The following SPOPL variants were observed in gnomAD, a reference collection of about 807,000 sequenced individuals.
The protein encoded by SPOPL is speckle-type POZ protein-like.
Under a neutral mutation model 53.8 loss-of-function variants are expected in SPOPL, and 23 were observed. The observed-to-expected ratio is 0.43, with a 90% confidence interval of 0.31 to 0.61. SPOPL has a LOEUF of 0.61. Ranked by LOEUF, SPOPL falls within the 20% of genes least tolerant of loss-of-function variation. The pLI is 0.12. For synonymous variants in SPOPL, 164 were observed against 149.7 expected (o/e 1.10, Z -0.70); for missense variants, 442 against 466.9 (o/e 0.95, Z 0.49).
At chr2:138,524,624 C>G (rs182689125) in intron 1 of SPOPL, among the ~76,000 whole-genome samples, 3 of 152,212 alleles carry the variant, frequency 2.0e-5, no homozygotes, top group African/African-American at 7.2e-5. Flanking sequence ...ATTTTTTCCA[C>G]CAGATACCCT....
At chr2:138,558,979 T>C (rs753828594) in intron 5 of SPOPL, 43 bp from the exon 6 acceptor site, 10 of 1,509,112 alleles carry the variant, frequency 6.6e-6, no homozygotes, top group African/African-American at 2.8e-5. Context: ...ATTACTGATA[T>C]TACTTTGTGA....
intron 1 of SPOPL, among the ~76,000 whole-genome samples, chr2:138,540,597 C>A (rs1217560356): frequency 6.6e-6 from 1 of 152,124 alleles, no homozygotes; most frequent in Non-Finnish European, 1.5e-5. Flanking sequence ...GATTTTGTAT[C>A]CTGAGACTTT....
chr2:138,545,739 A>G (rs1320644437), intron 1 of SPOPL, among the ~76,000 whole-genome samples: 2 of 152,064 alleles, frequency 1.3e-5, no homozygotes, highest in Non-Finnish European at 2.9e-5. Flanking sequence ...GCGCCCGGCC[A>G]GCTGTTAAGT....
intron 1 of SPOPL, among the ~76,000 whole-genome samples, chr2:138,509,683 C>G (rs1176081525): frequency 6.6e-6 from 1 of 152,080 alleles, no homozygotes; most frequent in Admixed American, 6.5e-5. Context: ...TCCCTCGCAC[C>G]CATACAGACA....
intron 1 of SPOPL, among the ~76,000 whole-genome samples, chr2:138,542,572 G>A (rs1327104571): frequency 6.6e-6 from 1 of 151,596 alleles, no homozygotes; most frequent in Admixed American, 6.6e-5. Flanking sequence ...GCCTTTTTTT[G>A]TTTTCCATTT....
At chr2:138,563,121 T>C (rs1043042563) in intron 8 of SPOPL, among the ~76,000 whole-genome samples, 38 of 152,122 alleles carry the variant, frequency 2.5e-4, no homozygotes, top group African/African-American at 8.7e-4. Flanking sequence ...AAGAAAACAA[T>C]GTTATTTCTA....
intron 1 of SPOPL, among the ~76,000 whole-genome samples, chr2:138,530,476 C>A (rs1684783220): frequency 6.6e-6 from 1 of 152,134 alleles, no homozygotes; most frequent in Admixed American, 6.5e-5. Flanking sequence ...AATGAATTTT[C>A]TAATTTATGA....
intron 1 of SPOPL, among the ~76,000 whole-genome samples, chr2:138,509,156 G>A (rs1055003527): frequency 6.6e-6 from 1 of 152,060 alleles, no homozygotes; most frequent in African/African-American, 2.4e-5. Flanking sequence ...ATACGTATAT[G>A]TATATATACC....
At chr2:138,536,421 G>GT (rs1459974480) in intron 1 of SPOPL, among the ~76,000 whole-genome samples, 2 of 152,016 alleles carry the variant, frequency 1.3e-5, no homozygotes, top group Non-Finnish European at 2.9e-5. Context: ...GGTATTCCCA[G>GT]TTACCCTGGG....
At position 138,568,999 on chromosome 2, in the gene SPOPL, A is replaced by C. The variant is rs373978895; in HGVS notation, c.1098A>C (p.Leu366Phe). ...CCATGATTCAGTCTCACCCTCATTT[A>C]GTAGCAGAAGCCTTTCGAGCACTAG... ...WKSMIQSHPH[L>F]VAEAFRALAS... is the part of the protein sequence containing the mutation. The change falls in exon 11 of 11, where the codon TTA becomes TTC. Residue 366 changes from leucine to phenylalanine, a missense_variant. Leu to Phe is a conservative substitution (Grantham distance 22, BLOSUM62 0). Transcript: ENST00000280098. 17 of 1,614,006 alleles carry C rather than the reference A, an allele frequency of 1.1e-5. No homozygotes were observed. The highest frequency in any genetic ancestry group is 1.4e-5 in the Non-Finnish European group (17 of 1,179,954).
Position 138,560,943 on chromosome 2 carries a change from T to C in SPOPL, c.837+16T>C, listed in dbSNP as rs1291709383. 6.3e-7 allele frequency: 1 copy of C among 1,599,538 alleles called. No homozygotes were observed. Among genetic ancestry groups the C allele is most frequent in the Admixed American group, 1.8e-5 (1 of 55,500 alleles). On this transcript the variant is annotated intron_variant, in intron 8 of 10. Coordinates refer to ENST00000280098, the MANE Select transcript of SPOPL (RefSeq NM_001001664.3). ...TGCAGACAAAGTAAGTAATTAGGTC[T>C]TAAGGAACCAAAATATACCCTCAAG... is the stretch of plus-strand genomic sequence containing the variant.
intron 1 of SPOPL, among the ~76,000 whole-genome samples, chr2:138,527,050 T>C (rs908201019): frequency 2.0e-5 from 3 of 151,548 alleles, no homozygotes; most frequent in African/African-American, 4.8e-5. Context: ...TAAGTTCAGC[T>C]TTTTTTTTCT....
chr2:138,526,702 T>G (rs1451471783), intron 1 of SPOPL, among the ~76,000 whole-genome samples: 1 of 151,420 alleles, frequency 6.6e-6, no homozygotes, highest in Non-Finnish European at 1.5e-5. Context: ...CTTTATTTGG[T>G]CCTCATTCTT....
chr2:138,529,536 T>TCGCGCG (rs72375808), intron 1 of SPOPL, among the ~76,000 whole-genome samples: 3,797 of 97,608 alleles, frequency 0.039, 104 homozygotes, highest in African/African-American at 0.081. Context: ...GTGTGTGTGT[T>TCGCGCG]TGCGTGCGCG....
Position 138,559,011 on chromosome 2 carries a change from T to G in SPOPL, c.481-11T>G. ...GTGAAAGTGTTTTTCTTGCTGTCCC[T>G]TTTTTATTAGGTGAGTGTGGTCCAA... On this transcript the variant is annotated splice_polypyrimidine_tract_variant and intron_variant, in intron 5 of 10. Transcript: ENST00000280098. 1 of 1,547,638 alleles carries G rather than the reference T, an allele frequency of 6.5e-7. No individual in the cohort carries two copies. Among genetic ancestry groups the G allele is most frequent in the Non-Finnish European group, 8.7e-7 (1 of 1,151,402 alleles).
chr2:138,539,276 G>T (rs1197939455), intron 1 of SPOPL, among the ~76,000 whole-genome samples: 2 of 152,128 alleles, frequency 1.3e-5, no homozygotes, highest in African/African-American at 4.8e-5. Context: ...GTAATGGGAT[G>T]GCTGGGTCAA....
chr2:138,520,756 G>A (rs1684539047), intron 1 of SPOPL, among the ~76,000 whole-genome samples: 1 of 152,308 alleles, frequency 6.6e-6, no homozygotes. Flanking sequence ...TCCGTTGTGA[G>A]TAGTCACCTA....
chr2:138,548,443 C>T (rs1250663476), intron 1 of SPOPL, among the ~76,000 whole-genome samples: 1 of 151,718 alleles, frequency 6.6e-6, no homozygotes, highest in Admixed American at 6.6e-5. Context: ...TCCCTTCTTG[C>T]CAGAAATCTC....
chr2:138,537,380 A>C (rs1039128178), intron 1 of SPOPL, among the ~76,000 whole-genome samples: 1 of 152,244 alleles, frequency 6.6e-6, no homozygotes, highest in African/African-American at 2.4e-5. Context: ...ATGCACCGGT[A>C]ATCAGAACGG....
Sources: allele counts gnomAD v4.1 joint callset (sites outside exome capture counted in the v4.1 genomes callset), GRCh38; gene constraint gnomAD v4.1.1; transcripts MANE v1.5; gene names NCBI Gene and HGNC (gene_info 2026-07-23, HGNC 2026-07-21).